The following PIWIL3 variants were observed in gnomAD, a reference collection of about 807,000 sequenced individuals.
The protein encoded by PIWIL3 is piwi like RNA-mediated gene silencing 3, also known as piwi-like protein 3.
PIWIL3 carries 101 observed loss-of-function variants against 109.7 expected under a neutral mutation model. That is an observed-to-expected ratio of 0.92 (90% CI 0.78 to 1.09). The LOEUF is 1.09. Ranked by LOEUF, PIWIL3 falls within the 50% of genes least tolerant of loss-of-function variation. PIWIL3 has a pLI of 0.00. For missense variants in PIWIL3, 1,031 were observed against 1,072.6 expected, an observed-to-expected ratio of 0.96 and a Z score of 0.54; for synonymous variants, 373 against 376.4, an observed-to-expected ratio of 0.99 and a Z score of 0.10.
At chr22:24,748,716 AATACAG>A (rs1924518161) in intron 12 of PIWIL3, among the ~76,000 whole-genome samples, 185 bp downstream of exon 12, 2 of 152,246 alleles carry the variant, frequency 1.3e-5, no homozygotes, top group Admixed American at 1.3e-4. Flanking sequence ...AGATAGACAT[AATACAG>A]AGCTTACTAT....
chr22:24,720,264 T>TTG (rs1922591212), intron 19 of PIWIL3, among the ~76,000 whole-genome samples: 1 of 59,252 alleles, frequency 1.7e-5, no homozygotes, highest in African/African-American at 9.9e-5. Context: ...AAACTGTTTT[T>TTG]TTTTTTTTTT....
At chr22:24,757,833 G>A in intron 4 of PIWIL3, 75 bp downstream of exon 4, 3 of 1,442,562 alleles carry the variant, frequency 2.1e-6, no homozygotes, top group Non-Finnish European at 2.8e-6. Context: ...GCAGGACCTT[G>A]TCTCTCAATG....
chr22:24,755,923 CAA>C lies in PIWIL3; in HGVS notation c.571-20_571-19del, dbSNP rs143403523. 8.2e-5 allele frequency: 126 copies of C among 1,538,502 alleles called. 1 individual carries two copies. The highest frequency in any genetic ancestry group is 3.5e-4 in the Middle Eastern group (2 of 5,732). ...TCCACTCTCTGAGATTAAAAAAAAA[CAA>C]AAAAAAAAGTCCAGATATTCTTCCA... On this transcript the variant is annotated intron_variant, in intron 5 of 20. Transcript: ENST00000616349.
chr22:24,723,281 C>T (rs373117049), intron 18 of PIWIL3, 26 bp from the exon 19 acceptor site: 31 of 1,596,422 alleles, frequency 1.9e-5, no homozygotes, highest in Admixed American at 5.0e-5. Flanking sequence ...GTAAGTGTCA[C>T]TATGTTTACT....
rs35204283 is a variant in PIWIL3, at chr22:24,755,913, TA to T, written c.571-9del. The T allele has an allele frequency of 7.0e-5, 107 of 1,536,702 alleles. No individual in the cohort carries two copies. The African/African-American group carries it at 9.2e-4, about 13-fold the overall frequency. The stretch of plus-strand genomic sequence containing the variant: ...GCTCAACCATTCCACTCTCTGAGAT[TA>T]AAAAAAAACAAAAAAAAAAGTCCAG... On this transcript the variant is annotated splice_polypyrimidine_tract_variant and intron_variant, in intron 5 of 20. Transcript: ENST00000616349.
chr22:24,723,030 C>A, intron 19 of PIWIL3, 100 bp downstream of exon 19: 2 of 1,301,648 alleles, frequency 1.5e-6, no homozygotes, highest in Admixed American at 2.1e-5. Flanking sequence ...AAAGAATCAG[C>A]AGTGCTTTAA....
At position 24,743,586 on chromosome 22, in the gene PIWIL3, G is replaced by T. The variant is rs1924132311; in HGVS notation, c.1449+5321C>A. Among the ~76,000 whole-genome samples the T allele has an allele frequency of 2.0e-5, 3 of 152,156 alleles. No homozygotes were observed. The South Asian group carries it at 6.2e-4, about 31-fold the overall frequency. On this transcript the variant is annotated intron_variant, in intron 12 of 20. Coordinates refer to ENST00000616349, the MANE Select transcript of PIWIL3 (RefSeq NM_001255975.1). ...ACTCAGGAATGGAAAACCAAACATT[G>T]TTATCTTCTCACTCATAAGTGGGAG...
chr22:24,722,610 G>A (rs1922738411), intron 19 of PIWIL3, among the ~76,000 whole-genome samples: 1 of 152,066 alleles, frequency 6.6e-6, no homozygotes, highest in African/African-American at 2.4e-5. Flanking sequence ...CTACTTGGCA[G>A]GCTGAGGCAG....
chr22:24,765,196 TA>T (rs1925716707), intron 1 of PIWIL3, among the ~76,000 whole-genome samples: 1 of 152,210 alleles, frequency 6.6e-6, no homozygotes, highest in African/African-American at 2.4e-5. Context: ...TGGATTCTCT[TA>T]GCTACTGTAT....
chr22:24,727,832 G>A, intron 16 of PIWIL3, 118 bp downstream of exon 16: 1 of 795,232 alleles, frequency 1.3e-6, no homozygotes, highest in South Asian at 1.8e-5. Context: ...ACATGATTAA[G>A]AATAACTCAT....
chr22:24,728,891 AG>A (rs891832058), intron 14 of PIWIL3, among the ~76,000 whole-genome samples: 10 of 152,334 alleles, frequency 6.6e-5, no homozygotes, highest in African/African-American at 2.4e-4. Context: ...TCACTGAGAG[AG>A]GAGAAAGGAA....
chr22:24,773,540 G>A (rs1421629977), intron 1 of PIWIL3, among the ~76,000 whole-genome samples: 1 of 152,078 alleles, frequency 6.6e-6, no homozygotes, highest in African/African-American at 2.4e-5. Flanking sequence ...CAAAGAGCCC[G>A]CCTTTTCTGA....
In PIWIL3 at chr22:24,749,370, T is replaced by G. The variant is rs1182236285; in HGVS notation, c.1334+34A>C. The G allele has an allele frequency of 4.3e-6, 7 of 1,611,080 alleles. No homozygotes were observed. The African/African-American group carries it at 5.3e-5, about 12-fold the overall frequency. ...CAGCTTCACTGGGACACCATGCACA[T>G]GTACACACACTCAGCCAGAAAAGCA... On this transcript the variant is annotated intron_variant, in intron 11 of 20. Coordinates refer to ENST00000616349, the MANE Select transcript of PIWIL3 (RefSeq NM_001255975.1).
chr22:24,747,908 T>C (rs915784769), intron 12 of PIWIL3, among the ~76,000 whole-genome samples: 1 of 152,100 alleles, frequency 6.6e-6, no homozygotes, highest in Non-Finnish European at 1.5e-5. Context: ...AGCTAACATA[T>C]GTTGCAGCAA....
At chr22:24,722,328 C>T (rs1304313000) in intron 19 of PIWIL3, among the ~76,000 whole-genome samples, 6 of 152,118 alleles carry the variant, frequency 3.9e-5, no homozygotes, top group African/African-American at 9.6e-5. Flanking sequence ...GTGATCTGCC[C>T]GCCTTGGCCT....
chr22:24,755,823 G>A lies in PIWIL3; in HGVS notation c.653C>T (p.Ser218Leu), dbSNP rs1924992634. Residue 218 changes from serine to leucine, a missense_variant, in exon 6 of 21, where the codon TCG (serine) becomes TTG (leucine). Coordinates refer to ENST00000616349, the MANE Select transcript of PIWIL3 (RefSeq NM_001255975.1). ...GTTGTAATAGCGTAGGCAATCTGGC[G>A]ACGTGGGCGTGAGTTCTTTGGAAAA... ...VEFSKELTPT[S>L]PDCLRYYNIL... 4.3e-6 allele frequency: 7 copies of A among 1,613,982 alleles called. No individual in the cohort carries two copies. The highest frequency in any genetic ancestry group is 1.6e-4 in the Middle Eastern group (1 of 6,062).
chr22:24,726,329 C>A (rs1922993884), intron 16 of PIWIL3, among the ~76,000 whole-genome samples: 1 of 151,548 alleles, frequency 6.6e-6, no homozygotes, highest in African/African-American at 2.4e-5. Context: ...GTCACCCAGG[C>A]TGGAGTGCAG....
At chr22:24,760,764 G>A (rs370910045) in intron 2 of PIWIL3, among the ~76,000 whole-genome samples, 3 of 86,044 alleles carry the variant, frequency 3.5e-5, no homozygotes, top group African/African-American at 1.3e-4. Context: ...TGGGCAACAA[G>A]AGCGAAACTC....
At chr22:24,729,294 C>A (rs996469218) in intron 14 of PIWIL3, among the ~76,000 whole-genome samples, 3 of 152,128 alleles carry the variant, frequency 2.0e-5, no homozygotes, top group African/African-American at 7.2e-5. Flanking sequence ...CTCTTGGTGT[C>A]CACACTCCTA....
Sources: gnomAD v4.1 joint callset for allele counts (sites outside exome capture counted in the v4.1 genomes callset) on GRCh38, gnomAD v4.1.1 for gene constraint, MANE v1.5 for transcripts, NCBI Gene and HGNC (gene_info 2026-07-23, HGNC 2026-07-21) for gene names.